PACRG: variants seen among roughly 807,000 people sequenced by gnomAD.
The protein encoded by PACRG is parkin coregulated.
A neutral mutation model predicts 29.7 loss-of-function variants in PACRG; 29 were observed. That is an observed-to-expected ratio of 0.98 (90% CI 0.73 to 1.33). The LOEUF (loss-of-function observed/expected upper bound fraction) is 1.33, where lower values mean the gene tolerates loss of function less well. Ranked by LOEUF, PACRG falls within the 40% of genes most tolerant of loss-of-function variation. The pLI, the probability that PACRG is intolerant of heterozygous loss-of-function variation, is 0.00. For missense variants in PACRG, 279 were observed against 316.2 expected, an observed-to-expected ratio of 0.88 and a Z score of 0.89; for synonymous variants, 116 against 118.7, an observed-to-expected ratio of 0.98 and a Z score of 0.15.
At chr6:163,222,335 T>A (rs1781618852) in intron 4 of PACRG, among the ~76,000 whole-genome samples, 1 of 152,094 alleles carries the variant, frequency 6.6e-6, no homozygotes, top group Non-Finnish European at 1.5e-5. Flanking sequence ...CAAAGAAGGA[T>A]GTGTGAGGCC....
chr6:162,822,674 T>TA (rs895033553), intron 2 of PACRG, among the ~76,000 whole-genome samples: 93 of 151,902 alleles, frequency 6.1e-4, no homozygotes, highest in African/African-American at 1.0e-3. Context: ...TTTAAGCACT[T>TA]AAAAAAAACA....
chr6:163,210,609 G>A (rs1389535817), intron 4 of PACRG, among the ~76,000 whole-genome samples: 1 of 152,216 alleles, frequency 6.6e-6, no homozygotes, highest in Non-Finnish European at 1.5e-5. Context: ...GCATGTTGAA[G>A]GGATTAAATT....
At chr6:163,265,351 C>T (rs1486989782) in intron 4 of PACRG, among the ~76,000 whole-genome samples, 3 of 152,124 alleles carry the variant, frequency 2.0e-5, no homozygotes, top group Non-Finnish European at 4.4e-5. Flanking sequence ...ACAGGTGTTC[C>T]TCCAGTGCCC....
intron 4 of PACRG, among the ~76,000 whole-genome samples, chr6:163,157,913 T>C (rs1169166668): frequency 1.3e-5 from 2 of 152,212 alleles, no homozygotes; most frequent in African/African-American, 2.4e-5. Context: ...AGACAACTAA[T>C]GAACATTACC....
intron 3 of PACRG, among the ~76,000 whole-genome samples, chr6:163,077,895 C>T (rs1435934247): frequency 6.6e-6 from 1 of 152,120 alleles, no homozygotes; most frequent in African/African-American, 2.4e-5. Context: ...AAGGGTGATC[C>T]AGCACCCACG....
intron 2 of PACRG, chr6:162,957,313 C>A: frequency 1.7e-6 from 1 of 586,684 alleles, no homozygotes; most frequent in Non-Finnish European, 3.2e-6. Flanking sequence ...ACGCTTGATC[C>A]TGTCCTGAAC....
intron 4 of PACRG, among the ~76,000 whole-genome samples, chr6:163,233,230 G>A (rs944734146): frequency 4.6e-5 from 7 of 152,206 alleles, no homozygotes; most frequent in African/African-American, 1.7e-4. Context: ...ATCTCTGTTA[G>A]GAGATTTAAA....
intron 4 of PACRG, among the ~76,000 whole-genome samples, chr6:163,222,608 A>G (rs574510557): frequency 1.3e-5 from 2 of 152,294 alleles, no homozygotes; most frequent in South Asian, 4.1e-4. Flanking sequence ...GAACAAAAGC[A>G]TTGCACGGAA....
At chr6:163,131,103 C>T (rs934830446) in intron 4 of PACRG, among the ~76,000 whole-genome samples, 2 of 151,860 alleles carry the variant, frequency 1.3e-5, no homozygotes, top group South Asian at 2.1e-4. Flanking sequence ...GTCAGGAGAT[C>T]GAGACCATCC....
intron 4 of PACRG, among the ~76,000 whole-genome samples, chr6:163,198,309 CAG>C (rs1253307807): frequency 1.4e-5 from 2 of 141,220 alleles, no homozygotes; most frequent in African/African-American, 3.2e-5. Flanking sequence ...AAAAAATATT[CAG>C]AGTTTGATTA....
intron 2 of PACRG, among the ~76,000 whole-genome samples, chr6:162,991,648 A>T (rs1352557136): frequency 2.1e-5 from 1 of 48,074 alleles, no homozygotes; most frequent in East Asian, 5.1e-4. Flanking sequence ...GGCTGAGACG[A>T]TGGGGTTTTC....
chr6:162,806,126 T>A (rs557385008), intron 1 of PACRG, among the ~76,000 whole-genome samples: 3 of 151,756 alleles, frequency 2.0e-5, no homozygotes, highest in Admixed American at 6.6e-5. Context: ...TTTTTTTTTT[T>A]AGATCGAGTT....
At chr6:162,883,258 A>G (rs6455854) in intron 2 of PACRG, among the ~76,000 whole-genome samples, 51,787 of 152,058 alleles carry the variant, frequency 0.34, 10,125 homozygotes, top group Middle Eastern at 0.45. Context: ...TGTCTGGCAC[A>G]TGAAATATCC....
intron 1 of PACRG, among the ~76,000 whole-genome samples, chr6:162,776,038 A>G (rs1422313920): frequency 1.3e-5 from 2 of 152,212 alleles, no homozygotes; most frequent in East Asian, 3.8e-4. Context: ...AATATTGACT[A>G]AGAATGAGAA....
intron 4 of PACRG, among the ~76,000 whole-genome samples, chr6:163,241,878 C>A (rs1258313407): frequency 5.9e-5 from 9 of 152,134 alleles, no homozygotes; most frequent in African/African-American, 9.7e-5. Flanking sequence ...CCAAGTCCAG[C>A]CCCCGTCTGG....
At chr6:162,934,002 G>A (rs923505270) in intron 2 of PACRG, among the ~76,000 whole-genome samples, 9 of 152,142 alleles carry the variant, frequency 5.9e-5, no homozygotes, top group African/African-American at 1.4e-4. Flanking sequence ...GGTGGCTCAC[G>A]CCTGTAATCC....
intron 1 of PACRG, among the ~76,000 whole-genome samples, chr6:162,750,542 T>C (rs1781437382): frequency 6.6e-6 from 1 of 152,214 alleles, no homozygotes; most frequent in Non-Finnish European, 1.5e-5. Flanking sequence ...TGTAATTATA[T>C]TTTCCATCTT....
chr6:163,012,667 C>G (rs1805724141), intron 2 of PACRG, among the ~76,000 whole-genome samples: 2 of 152,224 alleles, frequency 1.3e-5, no homozygotes, highest in South Asian at 4.1e-4. Flanking sequence ...GGCTGTGAAC[C>G]TATTTACACC....
intron 4 of PACRG, among the ~76,000 whole-genome samples, chr6:163,121,637 G>A (rs563552431): frequency 1.3e-5 from 2 of 149,232 alleles, no homozygotes; most frequent in East Asian, 2.0e-4. Flanking sequence ...AATTTATAGA[G>A]CATTCATTTC....
Sources: allele counts gnomAD v4.1 joint callset (sites outside exome capture counted in the v4.1 genomes callset), GRCh38; gene constraint gnomAD v4.1.1; transcripts MANE v1.5; gene names NCBI Gene and HGNC (gene_info 2026-07-23, HGNC 2026-07-21).